The following SCN3A variants were observed in gnomAD, a reference collection of about 807,000 sequenced individuals.
SCN3A encodes sodium voltage-gated channel alpha subunit 3.
A neutral mutation model predicts 187.6 loss-of-function variants in SCN3A; 60 were observed. The observed-to-expected ratio is 0.32, with a 90% CI of 0.26 to 0.40. The LOEUF (loss-of-function observed/expected upper bound fraction) is 0.40. Among genes scored for constraint, SCN3A ranks in the 10% least tolerant of loss-of-function variants. The probability of loss-of-function intolerance (pLI) is 1.00; values close to 1 mark genes in which losing one functional copy is unlikely to be tolerated. For missense variants in SCN3A, 1,601 were observed against 2,428.2 expected, an observed-to-expected ratio of 0.66 and a Z score of 7.16; for synonymous variants, 788 against 829.2, an observed-to-expected ratio of 0.95 and a Z score of 0.85.
chr2:165,153,059 ATAAAAGGTACAGGAAT>A (rs1439890498), intron 11 of SCN3A, among the ~76,000 whole-genome samples: 2 of 151,836 alleles, frequency 1.3e-5, no homozygotes, highest in Non-Finnish European at 2.9e-5. Flanking sequence ...AAGACTCGTC[ATAAAAGGTACAGGAAT>A]TAAGAGAGTG....
At chr2:165,094,540 ATT>A (rs1455735089) in intron 25 of SCN3A, 62 bp from the exon 26 acceptor site, 6 of 1,084,802 alleles carry the variant, frequency 5.5e-6, no homozygotes, top group Non-Finnish European at 8.5e-6. Flanking sequence ...CACAAAAAAT[ATT>A]TGTCTTTCCT....
chr2:165,090,043 A>T lies in SCN3A; in HGVS notation c.*107T>A, dbSNP rs1050065994. ...TAGGCACTGACTATGAGTATTTGTT[A>T]AAACAGTCAGTTTGGCATGGACCTC... On this transcript the variant is annotated 3_prime_UTR_variant, in exon 28 of 28. Transcript: ENST00000283254. The surrounding 1 kb of genome is among the most constrained non-coding windows in gnomAD (Gnocchi z 4.0). 13 of 1,497,530 alleles carry T rather than the reference A, an allele frequency of 8.7e-6. No homozygotes were observed. The Admixed American group carries it at 2.6e-4, about 30-fold the overall frequency. 92.8% of individuals were successfully genotyped at this position (1,497,530 alleles called of 1,614,324 possible). A position where few individuals can be genotyped will look rare whatever the true frequency, so the allele number is the denominator to read the frequency against.
At chr2:165,129,131 C>A (rs1687166427) in intron 17 of SCN3A, among the ~76,000 whole-genome samples, 1 of 152,138 alleles carries the variant, frequency 6.6e-6, no homozygotes, top group Non-Finnish European at 1.5e-5. Context: ...ATCCCAGTAG[C>A]ATTCTTTTGA....
intron 18 of SCN3A, among the ~76,000 whole-genome samples, 181 bp downstream of exon 18, chr2:165,127,450 T>C (rs1056481855): frequency 3.3e-5 from 5 of 152,174 alleles, no homozygotes; most frequent in Non-Finnish European, 7.4e-5. Context: ...CTGTGAAAAA[T>C]TGGAATTTTT....
chr2:165,175,791 G>A (rs1201245002), intron 3 of SCN3A, among the ~76,000 whole-genome samples: 2 of 152,002 alleles, frequency 1.3e-5, no homozygotes, highest in South Asian at 2.1e-4. Flanking sequence ...ATTCTTTTCT[G>A]CACAGGTATT....
rs1414554330 is a variant in SCN3A at position 165,127,723 on chromosome 2, C to T, written c.3301G>A (p.Val1101Ile). ...TCTCCAACAGCAATTGGCACTGTGA[C>T]GGTGAGGCTGGGGTTGTTTATGAAT... Reference protein sequence around the residue: ...MSFINNPSLTVTVPIAVGESD... With the variant: ...MSFINNPSLTITVPIAVGESD... The change falls in exon 18 of 28, where the codon GTC (valine) becomes ATC (isoleucine). Residue 1101 changes from valine to isoleucine, a missense_variant. Val to Ile is a conservative substitution (Grantham distance 29, BLOSUM62 3). Transcript: ENST00000283254. The T allele has an allele frequency of 1.2e-5, 19 of 1,614,044 alleles. No homozygotes were observed. Among genetic ancestry groups the T allele is most frequent in the South Asian group, 3.3e-5 (3 of 91,084 alleles).
In SCN3A at chr2:165,139,525, T is replaced by C. The variant is rs1408089017; in HGVS notation, c.2103A>G (p.Gly701=). Residue 701 remains glycine (G), a synonymous_variant, in exon 14 of 28, where the codon GGA becomes GGG. Coordinates refer to ENST00000283254, the MANE Select transcript of SCN3A (RefSeq NM_006922.4). Reference sequence around the variant, plus strand: ...TGGCTATGCTCACGGCTCTTTGCCTTCCAGAGGAATCCTCCAGCATCTCCA... The same window carrying C: ...TGGCTATGCTCACGGCTCTTTGCCTCCCAGAGGAATCCTCCAGCATCTCCA... The part of the protein sequence containing the change: ...ISMEMLEDSS[G]RQRAVSIASI... 1 of 1,613,976 alleles carries C rather than the reference T, an allele frequency of 6.2e-7. No individual in the cohort carries two copies. Among genetic ancestry groups the C allele is most frequent in the Non-Finnish European group, 8.5e-7 (1 of 1,179,914 alleles).
At chr2:165,141,346 A>G (rs1688004385) in intron 12 of SCN3A, among the ~76,000 whole-genome samples, 1 of 152,198 alleles carries the variant, frequency 6.6e-6, no homozygotes, top group Admixed American at 6.6e-5. Context: ...AATGGTGGTT[A>G]AACAAATAGT....
intron 21 of SCN3A, among the ~76,000 whole-genome samples, chr2:165,102,192 T>C (rs1284338362): frequency 6.6e-6 from 1 of 152,184 alleles, no homozygotes; most frequent in Non-Finnish European, 1.5e-5. Context: ...CTCAAGACCT[T>C]GAAGTAAGGA....
Position 165,095,366 on chromosome 2 carries a change from C to T in SCN3A, c.4431+145G>A, listed in dbSNP as rs191839517. On this transcript the variant is annotated intron_variant, in intron 25 of 27. Coordinates refer to ENST00000283254, the MANE Select transcript of SCN3A (RefSeq NM_006922.4). ...GAGCCACTGACTAGAGGCTGGAATCCCTGCAGCTTAAATAACCACATGGGC... is the reference window on the plus strand; with the variant it reads ...GAGCCACTGACTAGAGGCTGGAATCTCTGCAGCTTAAATAACCACATGGGC... The T allele has an allele frequency of 1.1e-4, 91 of 803,420 alleles. 1 individual carries two copies. Among genetic ancestry groups the T allele is most frequent in the Non-Finnish European group, 1.5e-4 (74 of 502,352 alleles). 49.8% of individuals were successfully genotyped at this position (803,420 alleles called of 1,614,324 possible). A position where few individuals can be genotyped will look rare whatever the true frequency, so the allele number is the denominator to read the frequency against.
rs1684977395 is a variant in SCN3A, at chr2:165,089,508, A to G, written c.*642T>C. On this transcript the variant is annotated 3_prime_UTR_variant, in exon 28 of 28. Coordinates refer to ENST00000283254, the MANE Select transcript of SCN3A (RefSeq NM_006922.4). ...ATATTAGAGGAGACTTTACAGGCAC[A>G]TAACTGTTCAGATAGAAACAAACAT... The G allele has an allele frequency of 1.3e-5, 2 of 152,752 alleles. No homozygotes were observed. Among genetic ancestry groups the G allele is most frequent in the African/African-American group, 2.4e-5 (1 of 41,468 alleles). 9.5% of individuals were successfully genotyped at this position (152,752 alleles called of 1,614,324 possible).
chr2:165,106,692 A>C (rs940004271), intron 21 of SCN3A, among the ~76,000 whole-genome samples: 1 of 152,232 alleles, frequency 6.6e-6, no homozygotes, highest in East Asian at 1.9e-4. Flanking sequence ...TTTATAGCTC[A>C]GTTAAGGTTG....
Position 165,154,458 on chromosome 2 carries a change from T to G in SCN3A, c.1374A>C (p.Glu458Asp). The G allele has an allele frequency of 6.2e-7, 1 of 1,614,140 alleles. No homozygotes were observed. The highest frequency in any genetic ancestry group is 8.5e-7 in the Non-Finnish European group (1 of 1,179,974). The change falls in exon 11 of 28, where the codon GAA (glutamate) becomes GAC (aspartate). Residue 458 changes from glutamate (E) to aspartate (D), a missense_variant. Physicochemically the swap from Glu to Asp is conservative, Grantham distance 45 (BLOSUM62 2). This residue lies in a region of SCN3A where 376 missense variants were observed against 476.0 expected (regional missense o/e 0.79). Coordinates refer to ENST00000283254, the MANE Select transcript of SCN3A (RefSeq NM_006922.4). ...TGCTTTTATCACTCAGTACCTGAGCTTCTTCCTGTTGCTTTTTAAGCTGTT... is the reference window on the plus strand; with the variant it reads ...TGCTTTTATCACTCAGTACCTGAGCGTCTTCCTGTTGCTTTTTAAGCTGTT... ...MLEQLKKQQE[E>D]AQAVAAASAA...
chr2:165,185,181 G>A (rs1165714552), intron 2 of SCN3A, among the ~76,000 whole-genome samples: 3 of 152,128 alleles, frequency 2.0e-5, no homozygotes, highest in Non-Finnish European at 2.9e-5. Flanking sequence ...TTATCAGATA[G>A]TTATTAGCTT....
intron 9 of SCN3A, among the ~76,000 whole-genome samples, chr2:165,156,715 GAT>G (rs1689070718): frequency 6.6e-6 from 1 of 151,798 alleles, no homozygotes; most frequent in South Asian, 2.1e-4. Context: ...TTTCAATATT[GAT>G]ATATTGTTAT....
chr2:165,178,579 A>G (rs1690623247), intron 2 of SCN3A, among the ~76,000 whole-genome samples: 1 of 152,180 alleles, frequency 6.6e-6, no homozygotes, highest in Admixed American at 6.5e-5. Context: ...GTTAGTATTT[A>G]TGATATAACA....
intron 5 of SCN3A, among the ~76,000 whole-genome samples, chr2:165,165,572 G>T (rs541554571): frequency 1.3e-5 from 2 of 151,724 alleles, no homozygotes; most frequent in African/African-American, 4.8e-5. Context: ...TGCTGTTTTC[G>T]TTTTTTTCCC....
intron 18 of SCN3A, among the ~76,000 whole-genome samples, chr2:165,118,236 T>A (rs1220835050): frequency 1.3e-5 from 2 of 152,214 alleles, no homozygotes; most frequent in Non-Finnish European, 2.9e-5. Context: ...CCTGGCATTA[T>A]GAGGCACAAC....
intron 7 of SCN3A, 123 bp from the exon 8 acceptor site, chr2:165,162,951 T>C: frequency 8.7e-7 from 1 of 1,148,654 alleles, no homozygotes; most frequent in Non-Finnish European, 1.3e-6. Context: ...CAAAGCTGTA[T>C]GGATAGCCTG....
Sources: allele counts gnomAD v4.1 joint callset (sites outside exome capture counted in the v4.1 genomes callset), GRCh38; gene constraint gnomAD v4.1.1; regional missense constraint gnomAD v4.1.1; non-coding constraint Gnocchi (gnomAD v3.1); transcripts MANE v1.5; gene names NCBI Gene and HGNC (gene_info 2026-07-23, HGNC 2026-07-21).